Variants in DHRSX observed in about 807,000 individuals in gnomAD.
DHRSX encodes polyprenol dehydrogenase.
In DHRSX, 31 loss-of-function variants were observed where a neutral mutation model predicts 34.0. The observed-to-expected ratio is 0.91, with a 90% confidence interval of 0.69 to 1.23. The LOEUF is 1.23. DHRSX is among the 50% of genes most tolerant of loss of function. The pLI is 0.00. For missense variants in DHRSX, 414 were observed against 428.1 expected (o/e 0.97, Z 0.29); for synonymous variants, 201 against 183.8 (o/e 1.09, Z -0.76).
intron 3 of DHRSX, among the ~76,000 whole-genome samples, chrX:2,291,894 G>GTTTTTTTTTT (rs1162716010): frequency 6.2e-4 from 59 of 95,282 alleles, no homozygotes; most frequent in African/African-American, 2.3e-3. Flanking sequence ...TTGTATTTTT[G>GTTTTTTTTTT]TATTTTTTTT....
At chrX:2,363,103 TGCC>T (rs1167706312) in intron 3 of DHRSX, among the ~76,000 whole-genome samples, 4 of 140,780 alleles carry the variant, frequency 2.8e-5, no homozygotes, top group East Asian at 2.2e-4. Flanking sequence ...TATGGTATCA[TGCC>T]GCCATTTTAT....
chrX:2,492,193 C>A (rs1354751395), intron 1 of DHRSX, among the ~76,000 whole-genome samples: 2 of 152,134 alleles, frequency 1.3e-5, no homozygotes, highest in Non-Finnish European at 2.9e-5. Context: ...GAAAAAGGGT[C>A]TTTGCAGATG....
intron 3 of DHRSX, among the ~76,000 whole-genome samples, chrX:2,292,899 A>G (rs1490018278): frequency 6.6e-6 from 1 of 152,230 alleles, no homozygotes; most frequent in Non-Finnish European, 1.5e-5. Flanking sequence ...CTCAGAAGCA[A>G]GGACTTCCTT....
At chrX:2,493,296 C>T (rs1336315708) in intron 1 of DHRSX, among the ~76,000 whole-genome samples, 1 of 152,120 alleles carries the variant, frequency 6.6e-6, no homozygotes, top group Non-Finnish European at 1.5e-5. Context: ...AGTGACAGGA[C>T]ACAGCTGTAT....
chrX:2,495,109 T>C (rs2045248682), intron 1 of DHRSX, among the ~76,000 whole-genome samples: 1 of 150,880 alleles, frequency 6.6e-6, no homozygotes, highest in Non-Finnish European at 1.5e-5. Context: ...AGCAAAGGTT[T>C]ATATTCTATC....
At chrX:2,471,841 T>C (rs929138091) in intron 1 of DHRSX, among the ~76,000 whole-genome samples, 1 of 152,062 alleles carries the variant, frequency 6.6e-6, no homozygotes, top group African/African-American at 2.4e-5. Context: ...GAATACTACA[T>C]ACCCATGAAA....
chrX:2,498,698 T>C (rs1249662653), intron 1 of DHRSX, among the ~76,000 whole-genome samples: 4 of 152,048 alleles, frequency 2.6e-5, no homozygotes, highest in African/African-American at 9.7e-5. Context: ...GGCCAGCATT[T>C]TGGTGAGCTG....
chrX:2,410,263 G>A (rs2043608660), intron 2 of DHRSX, among the ~76,000 whole-genome samples: 1 of 152,162 alleles, frequency 6.6e-6, no homozygotes, highest in African/African-American at 2.4e-5. Flanking sequence ...GGTGAGCCAA[G>A]CCCAAAACTC....
chrX:2,273,619 C>T (rs985864283), intron 4 of DHRSX, among the ~76,000 whole-genome samples: 8 of 152,166 alleles, frequency 5.3e-5, no homozygotes, highest in African/African-American at 1.9e-4. Context: ...GTTTTTCATC[C>T]CCTGCCTCCC....
chrX:2,440,362 A>G (rs2044047545), intron 1 of DHRSX, among the ~76,000 whole-genome samples: 1 of 151,500 alleles, frequency 6.6e-6, no homozygotes, highest in African/African-American at 2.4e-5. Flanking sequence ...CAGCATGGCC[A>G]GATAATTTTT....
intron 3 of DHRSX, among the ~76,000 whole-genome samples, chrX:2,332,337 C>T (rs2042489752): frequency 6.6e-6 from 1 of 151,978 alleles, no homozygotes; most frequent in South Asian, 2.1e-4. Context: ...GAGAAATATG[C>T]CAGGAAGGGA....
intron 1 of DHRSX, among the ~76,000 whole-genome samples, chrX:2,448,911 G>A (rs1440214814): frequency 2.0e-5 from 3 of 152,156 alleles, no homozygotes; most frequent in Non-Finnish European, 4.4e-5. Flanking sequence ...ACACTGGGCC[G>A]GGCGCGGTGG....
At chrX:2,358,303 T>TACAAA (rs1214005684) in intron 3 of DHRSX, among the ~76,000 whole-genome samples, 2 of 152,030 alleles carry the variant, frequency 1.3e-5, no homozygotes, top group Non-Finnish European at 2.9e-5. Flanking sequence ...TAAACAAATT[T>TACAAA]ACAAAACAAA....
chrX:2,465,807 CGCA>C (rs1206887300), intron 1 of DHRSX, among the ~76,000 whole-genome samples: 1 of 82,830 alleles, frequency 1.2e-5, no homozygotes, highest in Admixed American at 1.2e-4. Context: ...AAAACTCCAT[CGCA>C]AAAAAAAAAA....
chrX:2,232,767 T>G (rs142714805), intron 6 of DHRSX, among the ~76,000 whole-genome samples: 512 of 151,990 alleles, frequency 3.4e-3, no homozygotes, highest in African/African-American at 0.012. Context: ...AGAGACAGGA[T>G]TTCACCATGT....
intron 3 of DHRSX, among the ~76,000 whole-genome samples, chrX:2,325,154 A>C (rs919213979): frequency 1.5e-4 from 23 of 152,000 alleles, no homozygotes; most frequent in Non-Finnish European, 2.6e-4. Context: ...AGACATACAC[A>C]AGCCAGCTGG....
At chrX:2,308,784 G>A (rs1701521929) in intron 3 of DHRSX, among the ~76,000 whole-genome samples, 2 of 150,944 alleles carry the variant, frequency 1.3e-5, no homozygotes, top group African/African-American at 4.9e-5. Context: ...GGGAAGGGGA[G>A]GGGAGGGGAG....
At position 2,334,064 on chromosome X, in the gene DHRSX, G is replaced by A. The variant is rs1235763980; in HGVS notation, c.287-42461C>T. On this transcript the variant is annotated intron_variant, in intron 3 of 6. Coordinates refer to ENST00000334651, the MANE Select transcript of DHRSX (RefSeq NM_145177.3). ...AAATAATGCTGCAATGAACATTCAT[G>A]TGCAAAAGTGTCTTTACGGTAGAAT... Among the ~76,000 whole-genome samples, 90 of 151,900 alleles carry A rather than the reference G, an allele frequency of 5.9e-4. 2 individuals carry two copies. Among genetic ancestry groups the A allele is most frequent in the Admixed American group, 5.9e-3 (90 of 15,248 alleles).
chrX:2,467,555 C>A (rs6567546), intron 1 of DHRSX, among the ~76,000 whole-genome samples: 59,811 of 151,686 alleles, frequency 0.39, 12,077 homozygotes, highest in African/African-American at 0.5. Context: ...TGTGAGATGC[C>A]AAAAACCAGA....
Sources: gnomAD v4.1 joint callset for allele counts (sites outside exome capture counted in the v4.1 genomes callset) on GRCh38, gnomAD v4.1.1 for gene constraint, MANE v1.5 for transcripts, NCBI Gene and HGNC (gene_info 2026-07-23, HGNC 2026-07-21) for gene names.